The following WDFY4 variants were observed in gnomAD, a reference collection of about 807,000 sequenced individuals.
The protein encoded by WDFY4 is WD repeat- and FYVE domain-containing protein 4.
WDFY4 carries 169 observed loss-of-function variants against 351.9 expected under a neutral mutation model. That is an observed-to-expected ratio of 0.48 (90% confidence interval 0.42 to 0.55). The LOEUF (loss-of-function observed/expected upper bound fraction) is 0.55, where lower values mean the gene tolerates loss of function less well. WDFY4 is among the 20% of genes least tolerant of loss of function. The probability of loss-of-function intolerance (pLI) is 0.00; values close to 1 mark genes in which losing one functional copy is unlikely to be tolerated. For missense variants in WDFY4, 3,803 were observed against 3,935.6 expected (o/e 0.97, Z 0.90); for synonymous variants, 1,622 against 1,574.6 (o/e 1.03, Z -0.71).
chr10:48,788,394 A>G (rs2066565642), intron 20 of WDFY4, 136 bp from the exon 21 acceptor site: 2 of 1,128,810 alleles, frequency 1.8e-6, no homozygotes, highest in Non-Finnish European at 2.5e-6. Flanking sequence ...CAATGTGCAA[A>G]AACATGCAAT....
chr10:48,960,632 T>G (rs1841815100), intron 53 of WDFY4, among the ~76,000 whole-genome samples: 1 of 152,120 alleles, frequency 6.6e-6, no homozygotes, highest in East Asian at 1.9e-4. Flanking sequence ...CTTCACCAGG[T>G]TTATTCAAAC....
intron 13 of WDFY4, among the ~76,000 whole-genome samples, chr10:48,770,986 T>A (rs575790920): frequency 1.2e-4 from 19 of 152,166 alleles, no homozygotes; most frequent in Non-Finnish European, 2.4e-4. Flanking sequence ...TGTAGTTTTA[T>A]CCCCCTTCCC....
chr10:48,939,426 C>CG (rs373131322), intron 47 of WDFY4, among the ~76,000 whole-genome samples: 1 of 152,172 alleles, frequency 6.6e-6, no homozygotes, highest in African/African-American at 2.4e-5. Flanking sequence ...CTGTCTTGCT[C>CG]GGGGCCCCCC....
chr10:48,805,559 G>C, intron 26 of WDFY4, 138 bp downstream of exon 26: 1 of 1,237,216 alleles, frequency 8.1e-7, no homozygotes, highest in Non-Finnish European at 1.1e-6. Context: ...CCAGGGCTGA[G>C]AGTTGGGGAA....
At chr10:48,754,563 TATG>T (rs1396602056) in intron 12 of WDFY4, among the ~76,000 whole-genome samples, 1 of 151,486 alleles carries the variant, frequency 6.6e-6, no homozygotes, top group African/African-American at 2.4e-5. Context: ...TCTTATTCAT[TATG>T]ATATTATTAT....
intron 34 of WDFY4, 117 bp downstream of exon 34, chr10:48,821,293 G>T: frequency 1.3e-6 from 1 of 780,082 alleles, no homozygotes; most frequent in Non-Finnish European, 2.1e-6. Flanking sequence ...TCCACCTGGC[G>T]TCAGTCCCTC....
chr10:48,885,724 C>G (rs12571076), intron 43 of WDFY4, among the ~76,000 whole-genome samples: 37,741 of 150,796 alleles, frequency 0.25, 5,329 homozygotes, highest in East Asian at 0.7. Context: ...TTCTCTCTCT[C>G]TCTCTCTCTC....
chr10:48,881,022 G>T (rs996482254), intron 43 of WDFY4, among the ~76,000 whole-genome samples: 5 of 152,190 alleles, frequency 3.3e-5, no homozygotes, highest in Non-Finnish European at 5.9e-5. Context: ...CCATTCCCCA[G>T]CCTCCTTTCT....
chr10:48,795,469 G>T (rs1220103786), intron 23 of WDFY4, among the ~76,000 whole-genome samples: 1 of 138,824 alleles, frequency 7.2e-6, no homozygotes, highest in Non-Finnish European at 1.5e-5. Flanking sequence ...CTTGCTGTGG[G>T]ATTTCATATA....
chr10:48,836,599 C>A (rs2068403234), intron 39 of WDFY4, among the ~76,000 whole-genome samples: 1 of 152,214 alleles, frequency 6.6e-6, no homozygotes, highest in South Asian at 2.1e-4. Context: ...TACCTATCTT[C>A]ATTTTCAGTA....
intron 43 of WDFY4, among the ~76,000 whole-genome samples, chr10:48,877,496 G>A (rs2070067870): frequency 6.6e-6 from 1 of 152,152 alleles, no homozygotes; most frequent in Admixed American, 6.5e-5. Flanking sequence ...AACCTGAAAG[G>A]CAAGTTTCAA....
chr10:48,902,274 C>A (rs1050629611), intron 47 of WDFY4, among the ~76,000 whole-genome samples: 3 of 152,172 alleles, frequency 2.0e-5, no homozygotes, highest in African/African-American at 7.2e-5. Context: ...AGTTGGTGTG[C>A]GAATCAGACA....
rs545652447 is a variant in WDFY4, at chr10:48,902,343, C to T, written c.7586+480C>T. ...CCCAGTGAATGAATTGCTTGCAGTC[C>T]CCCCCGCCGCCGCCAGGTCCCCTTT... On this transcript the variant is annotated intron_variant, in intron 47 of 61. Transcript: ENST00000325239. 7.9e-5 allele frequency among the ~76,000 whole-genome samples: 12 copies of T among 152,222 alleles called. No individual in the cohort carries two copies. The East Asian group carries it at 1.5e-3, about 20-fold the overall frequency.
intron 23 of WDFY4, among the ~76,000 whole-genome samples, chr10:48,795,491 GTATATATATA>G (rs60705301): frequency 1.9e-4 from 19 of 101,218 alleles, no homozygotes; most frequent in African/African-American, 7.3e-4. Context: ...GTGTGTGTCT[GTATATATATA>G]TATATATATA....
At chr10:48,869,545 T>G (rs980665414) in intron 40 of WDFY4, among the ~76,000 whole-genome samples, 2 of 150,522 alleles carry the variant, frequency 1.3e-5, no homozygotes, top group African/African-American at 4.9e-5. Flanking sequence ...TCAGCCAATT[T>G]TTTTTTTTTT....
At chr10:48,702,912 A>G (rs1333264021) in intron 1 of WDFY4, among the ~76,000 whole-genome samples, 1 of 152,144 alleles carries the variant, frequency 6.6e-6, no homozygotes, top group Non-Finnish European at 1.5e-5. Context: ...CTTGTTGAAG[A>G]CATACTAATT....
rs1007680544 is a variant in WDFY4, at chr10:48,910,118, G to C, written c.7586+8255G>C. 2.8e-5 allele frequency: 27 copies of C among 959,504 alleles called. No individual in the cohort carries two copies. In the South Asian group the frequency reaches 3.7e-4, roughly 13 times the overall value. The allele number at this position is 959,504 out of a possible 1,614,324, so 59.4% of individuals were successfully genotyped here. On this transcript the variant is annotated intron_variant, in intron 47 of 61. Transcript: ENST00000325239. ...AGTCGGTGGCTTGGCCAGCTCCGGC[G>C]AGCCTGGTTTCCAGAACATCTCACT...
intron 8 of WDFY4, among the ~76,000 whole-genome samples, chr10:48,730,491 G>C (rs2064423141): frequency 6.6e-6 from 1 of 152,170 alleles, no homozygotes; most frequent in African/African-American, 2.4e-5. Flanking sequence ...CTGGGGGAGA[G>C]AGAATGAGGC....
chr10:48,799,328 G>C (rs2066977444), intron 24 of WDFY4, among the ~76,000 whole-genome samples: 1 of 150,212 alleles, frequency 6.7e-6, no homozygotes, highest in Admixed American at 6.6e-5. Context: ...AGATTGAGGG[G>C]AGAGAATTTC....
Sources: allele counts gnomAD v4.1 joint callset (sites outside exome capture counted in the v4.1 genomes callset), GRCh38; gene constraint gnomAD v4.1.1; transcripts MANE v1.5; gene names NCBI Gene and HGNC (gene_info 2026-07-23, HGNC 2026-07-21).